DMD: variants seen among roughly 807,000 people sequenced by gnomAD.
DMD encodes mutant dystrophin.
DMD carries 63 observed loss-of-function variants against 330.1 expected under a neutral mutation model. That is an observed-to-expected ratio of 0.19 (90% CI 0.16 to 0.24). The LOEUF is 0.24. Ranked by LOEUF, DMD falls within the 10% of genes least tolerant of loss-of-function variation. DMD has a pLI of 1.00. For synonymous variants in DMD, 1,223 were observed against 959.8 expected, an observed-to-expected ratio of 1.27 and a Z score of -5.07; for missense variants, 3,344 against 2,684.1, an observed-to-expected ratio of 1.25 and a Z score of -5.43.
At chrX:33,308,142 T>C (rs151319789) in intron 1 of DMD, among the ~76,000 whole-genome samples, 1,196 of 112,314 alleles carry the variant, frequency 0.011, 6 homozygotes, top group South Asian at 0.044. Flanking sequence ...ACTTATGACA[T>C]TGAATTGAAC....
intron 43 of DMD, among the ~76,000 whole-genome samples, chrX:32,248,208 C>A (rs778301567): frequency 5.4e-5 from 6 of 111,359 alleles, no homozygotes; most frequent in Non-Finnish European, 1.1e-4. Flanking sequence ...TGTAAATGCT[C>A]AGGTACAGCC....
At chrX:31,405,701 T>C (rs1188800083) in intron 60 of DMD, among the ~76,000 whole-genome samples, 3 of 111,867 alleles carry the variant, frequency 2.7e-5, no homozygotes, top group African/African-American at 9.7e-5. Flanking sequence ...TCAGCAATAA[T>C]AGATGTAAAT....
At chrX:31,951,547 A>G (rs1382454435) in intron 45 of DMD, among the ~76,000 whole-genome samples, 1 of 109,744 alleles carries the variant, frequency 9.1e-6, no homozygotes, top group Non-Finnish European at 1.9e-5. Context: ...TTATTTTCTT[A>G]GTGCTTGCTC....
chrX:31,897,466 T>G (rs1482342691), intron 47 of DMD, among the ~76,000 whole-genome samples: 10 of 99,349 alleles, frequency 1.0e-4, no homozygotes, highest in African/African-American at 3.7e-4. Flanking sequence ...TCAAATGGTA[T>G]TTCTAGTTCT....
intron 44 of DMD, among the ~76,000 whole-genome samples, chrX:32,009,301 T>C (rs926210944): frequency 9.0e-6 from 1 of 111,702 alleles, no homozygotes. Flanking sequence ...TCCAAGTTCA[T>C]GGCCTTTGAA....
chrX:33,151,299 T>C (rs962956017), intron 1 of DMD, among the ~76,000 whole-genome samples: 1 of 112,458 alleles, frequency 8.9e-6, no homozygotes, highest in Non-Finnish European at 1.9e-5. Flanking sequence ...GCAAAAAGTA[T>C]ACAATCCATT....
In DMD at chrX:31,968,549, G is replaced by A. The variant is rs753908695; in HGVS notation, c.6439-35C>T. 5 of 1,182,957 alleles carry A rather than the reference G, an allele frequency of 4.2e-6. No individual in the cohort carries two copies. In the African/African-American group the frequency reaches 7.1e-5, roughly 17 times the overall value. ...ACCAAAAAGGCAAAACAAAAATGAAGCCCCATGTCTTTTTATTTGAGAAAA... is the reference window on the plus strand; with the variant it reads ...ACCAAAAAGGCAAAACAAAAATGAAACCCCATGTCTTTTTATTTGAGAAAA... On this transcript the variant is annotated intron_variant, in intron 44 of 78. Transcript: ENST00000357033.
At chrX:32,904,765 A>G (rs751920824) in intron 2 of DMD, among the ~76,000 whole-genome samples, 1 of 111,291 alleles carries the variant, frequency 9.0e-6, no homozygotes, top group East Asian at 2.9e-4. Flanking sequence ...TGGTAGAGAC[A>G]GGGTTTCACC....
At chrX:31,239,148 C>A (rs1384806832) in intron 63 of DMD, among the ~76,000 whole-genome samples, 1 of 111,620 alleles carries the variant, frequency 9.0e-6, no homozygotes, top group Non-Finnish European at 1.9e-5. Flanking sequence ...AAATTGTATG[C>A]AACTGACTTA....
chrX:32,503,152 C>A (rs1356720588), intron 18 of DMD, among the ~76,000 whole-genome samples: 2 of 111,781 alleles, frequency 1.8e-5, no homozygotes, highest in African/African-American at 6.5e-5. Flanking sequence ...AAGGCCTGGG[C>A]AGGAAGACTG....
chrX:33,228,413 A>G (rs2052330085), intron 1 of DMD, among the ~76,000 whole-genome samples: 1 of 108,993 alleles, frequency 9.2e-6, no homozygotes, highest in Admixed American at 1.0e-4. Flanking sequence ...ATTCTGAGGT[A>G]ATACCTTCAG....
intron 29 of DMD, among the ~76,000 whole-genome samples, chrX:32,429,187 T>A (rs1452525483): frequency 9.5e-6 from 1 of 105,755 alleles, no homozygotes; most frequent in East Asian, 2.9e-4. Flanking sequence ...GATGTATTTT[T>A]TTTTTCTTTT....
At chrX:32,037,049 A>C (rs2095953995) in intron 44 of DMD, among the ~76,000 whole-genome samples, 1 of 111,790 alleles carries the variant, frequency 8.9e-6, no homozygotes, top group African/African-American at 3.3e-5. Context: ...TGGCAACATG[A>C]TGTGGAGACA....
At chrX:31,322,293 T>C (rs772832357) in intron 62 of DMD, among the ~76,000 whole-genome samples, 2 of 111,843 alleles carry the variant, frequency 1.8e-5, no homozygotes, top group South Asian at 7.5e-4. Flanking sequence ...TTCCATAAAA[T>C]ATACAGTGGA....
chrX:32,491,320 G>A lies in DMD; in HGVS notation c.2579C>T (p.Pro860Leu), dbSNP rs754502808. ...ACTTTTAATTGCTGTTGGCTCTGAT[G>A]GGGTGGTGGGTTGGATTTTCAACCA... is the stretch of plus-strand genomic sequence containing the variant. ...ENWLKIQPTTPSEPTAIKSQL... is the reference protein window; with the variant it reads ...ENWLKIQPTTLSEPTAIKSQL... The change falls in exon 20 of 79, where the codon CCA becomes CTA. Residue 860 changes from proline to leucine, a missense_variant. Physicochemically the swap from Pro to Leu is moderately conservative, Grantham distance 98. Transcript: ENST00000357033. The A allele has an allele frequency of 1.5e-5, 18 of 1,209,534 alleles. No homozygotes were observed. In the South Asian group the frequency reaches 3.0e-4, roughly 20 times the overall value.
chrX:32,709,217 T>C (rs759488499), intron 7 of DMD, among the ~76,000 whole-genome samples: 12 of 111,179 alleles, frequency 1.1e-4, no homozygotes, highest in Middle Eastern at 4.6e-3. Flanking sequence ...GTGAAAAAAA[T>C]GCAATTTAGA....
chrX:32,227,149 A>T (rs1258449553), intron 43 of DMD, among the ~76,000 whole-genome samples: 1 of 102,595 alleles, frequency 9.7e-6, no homozygotes, highest in Non-Finnish European at 2.0e-5. Context: ...AGATGATTGG[A>T]TAAAGAATAT....
chrX:32,917,194 T>C (rs908783777), intron 2 of DMD, among the ~76,000 whole-genome samples: 1 of 82,334 alleles, frequency 1.2e-5, no homozygotes, highest in African/African-American at 4.7e-5. Flanking sequence ...CCTGCCACCA[T>C]GTAAGATGTG....
intron 1 of DMD, among the ~76,000 whole-genome samples, chrX:33,301,959 T>C (rs2053670748): frequency 8.9e-6 from 1 of 111,878 alleles, no homozygotes; most frequent in Non-Finnish European, 1.9e-5. Flanking sequence ...TGTAAGATAT[T>C]AAGTTTTAAT....
Sources: allele counts gnomAD v4.1 joint callset (sites outside exome capture counted in the v4.1 genomes callset), GRCh38; gene constraint gnomAD v4.1.1; transcripts MANE v1.5; gene names NCBI Gene and HGNC (gene_info 2026-07-23, HGNC 2026-07-21).